SMIM31: variants seen among roughly 807,000 people sequenced by gnomAD.
The protein encoded by SMIM31 is small integral membrane protein 31.
At chr4:164,765,743 T>C (rs6844421) in intron 1 of SMIM31, among the ~76,000 whole-genome samples, 5,511 of 152,164 alleles carry the variant, frequency 0.036, 307 homozygotes, top group African/African-American at 0.12. Flanking sequence ...GAGTGGGCAC[T>C]GCAGTATCTC....
At chr4:164,766,137 A>G (rs144331338) in intron 1 of SMIM31, among the ~76,000 whole-genome samples, 18 of 152,338 alleles carry the variant, frequency 1.2e-4, no homozygotes, top group African/African-American at 3.8e-4. Context: ...CGTGAGGGCA[A>G]TAACAGCAGC....
chr4:164,772,307 A>T (rs1163821902), intron 2 of SMIM31, among the ~76,000 whole-genome samples: 1 of 152,146 alleles, frequency 6.6e-6, no homozygotes, highest in African/African-American at 2.4e-5. Flanking sequence ...GATAGCACCA[A>T]GGGACATGGT....
chr4:164,788,510 A>C, intron 2 of SMIM31, among the ~76,000 whole-genome samples: 1 of 30,614 alleles, frequency 3.3e-5, no homozygotes, highest in African/African-American at 1.3e-4. Context: ...TTTTTTTGAG[A>C]CGGAGTTTCG....
chr4:164,761,310 T>C (rs952155962), intron 1 of SMIM31, among the ~76,000 whole-genome samples: 3 of 152,218 alleles, frequency 2.0e-5, no homozygotes, highest in Non-Finnish European at 2.9e-5. Flanking sequence ...TTTTCTTGAA[T>C]TGATTTTTAT....
intron 1 of SMIM31, among the ~76,000 whole-genome samples, chr4:164,766,981 C>T (rs780676337): frequency 6.6e-6 from 1 of 152,072 alleles, no homozygotes; most frequent in South Asian, 2.1e-4. Context: ...AGGAGGAAGA[C>T]AGGATGAGCT....
intron 2 of SMIM31, among the ~76,000 whole-genome samples, chr4:164,781,920 T>A (rs62353560): frequency 0.11 from 15,976 of 152,150 alleles, 2,211 homozygotes; most frequent in African/African-American, 0.32. Flanking sequence ...CAAGCCAGAA[T>A]CTTGTTCCAC....
chr4:164,773,452 C>A (rs918651971), intron 2 of SMIM31, among the ~76,000 whole-genome samples: 2 of 152,142 alleles, frequency 1.3e-5, no homozygotes, highest in Admixed American at 1.3e-4. Context: ...AACTTACAAT[C>A]GTGGTGGAAG....
rs529147222 is a variant in SMIM31, at chr4:164,796,230, T to C, written c.113-4861T>C. Among the ~76,000 whole-genome samples the C allele has an allele frequency of 3.2e-4, 49 of 152,384 alleles. 1 individual carries two copies. In the South Asian group the frequency reaches 6.6e-3, roughly 21 times the overall value. On this transcript the variant is annotated intron_variant, in intron 2 of 2. Coordinates refer to ENST00000507311, the MANE Select transcript of SMIM31 (RefSeq NM_001352885.1). ...AATTCTGTAGCATCACTTCTCATTCTGTTCTTTTTCTTCAGTTTGCAAACT... is the reference window on the plus strand; with the variant it reads ...AATTCTGTAGCATCACTTCTCATTCCGTTCTTTTTCTTCAGTTTGCAAACT...
At chr4:164,772,407 C>T (rs1459363958) in intron 2 of SMIM31, among the ~76,000 whole-genome samples, 1 of 152,010 alleles carries the variant, frequency 6.6e-6, no homozygotes, top group Admixed American at 6.6e-5. Flanking sequence ...ACATGAGATT[C>T]GGGAGGGAGC....
At chr4:164,783,154 G>T (rs1390915885) in intron 2 of SMIM31, among the ~76,000 whole-genome samples, 1 of 149,842 alleles carries the variant, frequency 6.7e-6, no homozygotes, top group Non-Finnish European at 1.5e-5. Context: ...GGAGGTGGAG[G>T]TTGTGGTGAG....
At chr4:164,783,932 T>G (rs1435723881) in intron 2 of SMIM31, among the ~76,000 whole-genome samples, 2 of 152,218 alleles carry the variant, frequency 1.3e-5, no homozygotes, top group Non-Finnish European at 2.9e-5. Context: ...AGAAGCAGTT[T>G]TCTTCATGAC....
intron 2 of SMIM31, among the ~76,000 whole-genome samples, chr4:164,773,831 T>C (rs981527760): frequency 2.6e-5 from 4 of 152,124 alleles, no homozygotes; most frequent in Non-Finnish European, 5.9e-5. Flanking sequence ...GGAGTCTTCT[T>C]CTTGGGAGTC....
chr4:164,757,482 C>CT (rs201443024), intron 1 of SMIM31, among the ~76,000 whole-genome samples: 22 of 149,022 alleles, frequency 1.5e-4, no homozygotes, highest in African/African-American at 3.2e-4. Context: ...CTTAAAAAGT[C>CT]TTTTTTTTAC....
chr4:164,796,097 A>C (rs910665767), intron 2 of SMIM31, among the ~76,000 whole-genome samples: 13 of 152,152 alleles, frequency 8.5e-5, no homozygotes, highest in Non-Finnish European at 1.8e-4. Flanking sequence ...GCTTACCCAA[A>C]ATATAAGCGA....
chr4:164,785,983 A>G (rs1415761105), intron 2 of SMIM31, among the ~76,000 whole-genome samples: 3 of 152,166 alleles, frequency 2.0e-5, no homozygotes, highest in Non-Finnish European at 4.4e-5. Context: ...GGTTGTCCCT[A>G]AAGACCACAT....
chr4:164,757,272 T>C (rs1158921120), intron 1 of SMIM31, among the ~76,000 whole-genome samples: 1 of 152,220 alleles, frequency 6.6e-6, no homozygotes, highest in Admixed American at 6.5e-5. Context: ...GATTGTCTTT[T>C]TGTTATTGAG....
At chr4:164,790,140 A>G (rs896328537) in intron 2 of SMIM31, among the ~76,000 whole-genome samples, 8 of 152,298 alleles carry the variant, frequency 5.3e-5, no homozygotes, top group Non-Finnish European at 1.2e-4. Context: ...TCTTCTAGGC[A>G]CATTTTACTT....
chr4:164,788,208 G>C (rs1003745846), intron 2 of SMIM31, among the ~76,000 whole-genome samples: 2 of 152,168 alleles, frequency 1.3e-5, no homozygotes, highest in African/African-American at 4.8e-5. Context: ...GAAAAGTAGA[G>C]AGCTGAGGAT....
intron 1 of SMIM31, among the ~76,000 whole-genome samples, chr4:164,756,223 C>T (rs1336495226): frequency 6.6e-6 from 1 of 152,148 alleles, no homozygotes; most frequent in African/African-American, 2.4e-5. Context: ...GAGAACATCT[C>T]TGCACATGTA....
Sources: allele counts gnomAD v4.1 joint callset (sites outside exome capture counted in the v4.1 genomes callset), GRCh38; gene constraint gnomAD v4.1.1; transcripts MANE v1.5; gene names NCBI Gene and HGNC (gene_info 2026-07-23, HGNC 2026-07-21).